Variants in RPTOR observed in about 807,000 individuals in gnomAD.
RPTOR encodes regulatory associated protein of MTOR complex 1.
A neutral mutation model predicts 169.9 loss-of-function variants in RPTOR; 21 were observed. The observed-to-expected ratio is 0.12, with a 90% CI of 0.09 to 0.18. The LOEUF is 0.18. RPTOR is among the 10% of genes least tolerant of loss of function. RPTOR has a pLI of 1.00. For missense variants in RPTOR, 1,133 were observed against 1,855.9 expected (o/e 0.61, Z 7.16); for synonymous variants, 732 against 753.2 (o/e 0.97, Z 0.46).
intron 4 of RPTOR, among the ~76,000 whole-genome samples, chr17:80,714,367 T>G (rs975175467): frequency 2.0e-5 from 3 of 152,200 alleles, no homozygotes; most frequent in Non-Finnish European, 4.4e-5. Flanking sequence ...TAATTAACAT[T>G]TATACAGCCG....
chr17:80,759,365 A>T (rs921905633), intron 6 of RPTOR, among the ~76,000 whole-genome samples: 8 of 152,176 alleles, frequency 5.3e-5, no homozygotes, highest in African/African-American at 1.9e-4. Flanking sequence ...TCAGATTTTT[A>T]AAAGTAAGCA....
chr17:80,886,811 G>A (rs962187573), intron 17 of RPTOR, among the ~76,000 whole-genome samples: 2 of 152,154 alleles, frequency 1.3e-5, no homozygotes, highest in African/African-American at 2.4e-5. Flanking sequence ...CAACCGGGAC[G>A]CAGCTGTCTC....
chr17:80,804,141 G>T (rs7225574), intron 7 of RPTOR: 48,984 of 152,240 alleles, frequency 0.32, 8,463 homozygotes, highest in African/African-American at 0.45. Context: ...GCTACCTACA[G>T]AGGACATTTT....
rs1455293667 is a variant in RPTOR, at chr17:80,659,889, C to A, written c.348+16079C>A. Among the ~76,000 whole-genome samples, 1 of 152,178 alleles carries A rather than the reference C, an allele frequency of 6.6e-6. No homozygotes were observed. Among genetic ancestry groups the A allele is most frequent in the Non-Finnish European group, 1.5e-5 (1 of 68,022 alleles). On this transcript the variant is annotated intron_variant, in intron 3 of 33. Transcript: ENST00000306801. This position sits in a 1 kb window ranked among gnomAD's most constrained non-coding sequence, Gnocchi z 4.3. Reference sequence around the variant, plus strand: ...TCTCAAACTCCAGGGCTTAAGCAATCCTCCTGCCTTGGCCTCCCAAAGTGC... The same window carrying A: ...TCTCAAACTCCAGGGCTTAAGCAATACTCCTGCCTTGGCCTCCCAAAGTGC...
rs1197798933 is a variant in RPTOR, at chr17:80,721,507, C to G, written c.508-9053C>G. Among the ~76,000 whole-genome samples the G allele has an allele frequency of 1.3e-5, 2 of 151,452 alleles. No individual in the cohort carries two copies. Among genetic ancestry groups the G allele is most frequent in the Non-Finnish European group, 2.9e-5 (2 of 68,050 alleles). Reference sequence around the variant, plus strand: ...TGGCCCTGGAAAGAGGCACACCCAGCAGCGGGCTCTCCTGGCTCACCCGGG... The same window carrying G: ...TGGCCCTGGAAAGAGGCACACCCAGGAGCGGGCTCTCCTGGCTCACCCGGG... On this transcript the variant is annotated intron_variant, in intron 4 of 33. Transcript: ENST00000306801. The surrounding 1 kb of genome is among the most constrained non-coding windows in gnomAD (Gnocchi z 4.7).
rs367784326 is a variant in RPTOR at position 80,577,734 on chromosome 17, T to C, written c.162+31943T>C. Among the ~76,000 whole-genome samples the C allele has an allele frequency of 1.2e-4, 18 of 152,354 alleles. No homozygotes were observed. The South Asian group carries it at 3.7e-3, about 32-fold the overall frequency. ...GGAAGCTGCAGTCCAGCTCTGGAGC[T>C]GGGCTTCATGCCCATCTCCAGTGCC... On this transcript the variant is annotated intron_variant, in intron 1 of 33. Transcript: ENST00000306801.
At chr17:80,899,647 C>T (rs1793585188) in intron 20 of RPTOR, among the ~76,000 whole-genome samples, 1 of 152,240 alleles carries the variant, frequency 6.6e-6, no homozygotes, top group African/African-American at 2.4e-5. Flanking sequence ...GTGGGACTGC[C>T]CCTTGGCACT....
chr17:80,906,409 G>A (rs994740168), intron 20 of RPTOR, among the ~76,000 whole-genome samples: 43 of 152,128 alleles, frequency 2.8e-4, no homozygotes, highest in Admixed American at 5.9e-4. Context: ...GGAAGGCTTC[G>A]GTTCTGTCCC....
intron 5 of RPTOR, among the ~76,000 whole-genome samples, chr17:80,732,163 C>CA (rs199652200): frequency 5.7e-4 from 85 of 149,376 alleles, no homozygotes; most frequent in African/African-American, 1.8e-3. Context: ...ATAAATATCG[C>CA]AAAAAAAAGG....
chr17:80,688,064 G>A (rs758459576), intron 3 of RPTOR, among the ~76,000 whole-genome samples: 54 of 152,132 alleles, frequency 3.5e-4, no homozygotes, highest in Non-Finnish European at 7.2e-4. Context: ...ATGTAGTGGC[G>A]GTTGAGTACC....
At chr17:80,951,366 C>T (rs899896691) in intron 28 of RPTOR, among the ~76,000 whole-genome samples, 1 of 152,250 alleles carries the variant, frequency 6.6e-6, no homozygotes, top group Non-Finnish European at 1.5e-5. Context: ...AGAAAAGCGG[C>T]CTTCTCGGCC....
At chr17:80,665,559 T>C (rs991586595) in intron 3 of RPTOR, among the ~76,000 whole-genome samples, 20 of 148,916 alleles carry the variant, frequency 1.3e-4, no homozygotes, top group African/African-American at 4.7e-4. Flanking sequence ...TCCCCTTTCC[T>C]TTCCTGACAG....
At chr17:80,945,250 A>G (rs557332460) in intron 25 of RPTOR, among the ~76,000 whole-genome samples, 365 of 152,248 alleles carry the variant, frequency 2.4e-3, no homozygotes, top group African/African-American at 8.5e-3. Flanking sequence ...CCATGATCAC[A>G]CCACTCTGCA....
chr17:80,772,712 G>A (rs2066856774), intron 6 of RPTOR, among the ~76,000 whole-genome samples: 2 of 151,878 alleles, frequency 1.3e-5, no homozygotes, highest in African/African-American at 4.8e-5. Flanking sequence ...TCATTATTGA[G>A]TTTGTAAGCA....
At chr17:80,918,445 A>AGTCATAGCCACGAGCACCCTCGCGGGG (rs71166110) in intron 21 of RPTOR, among the ~76,000 whole-genome samples, 14,938 of 83,238 alleles carry the variant, frequency 0.18, 4,480 homozygotes, top group East Asian at 0.29. Context: ...CCCTCGCCGG[A>AGTCATAGCCACGAGCACCCTCGCGGGG]GTCATAGCCA....
At chr17:80,634,602 ACTGTGTGTGTACT>A (rs1482798942) in intron 2 of RPTOR, among the ~76,000 whole-genome samples, 3 of 2,686 alleles carry the variant, frequency 1.1e-3, no homozygotes, top group Admixed American at 3.9e-3. Flanking sequence ...GTGTGTGCGT[ACTGTGTGTGTACT>A]GTGTGCGTGT....
chr17:80,759,099 A>G (rs1299781705), intron 6 of RPTOR, among the ~76,000 whole-genome samples: 1 of 151,982 alleles, frequency 6.6e-6, no homozygotes, highest in Non-Finnish European at 1.5e-5. Context: ...TGCGTCCTGT[A>G]GTCCCAGCTG....
chr17:80,857,965 C>T (rs1178860021), intron 13 of RPTOR, 65 bp downstream of exon 13: 2 of 1,249,670 alleles, frequency 1.6e-6, no homozygotes, highest in Non-Finnish European at 2.3e-6. Context: ...GGATGCCGAG[C>T]CCTGCGTTTC....
intron 11 of RPTOR, among the ~76,000 whole-genome samples, chr17:80,849,029 G>A (rs1215335155): frequency 1.3e-5 from 2 of 152,162 alleles, no homozygotes; most frequent in Non-Finnish European, 2.9e-5. Context: ...CGGGATCAAT[G>A]GGCGGACCTC....
Sources: allele counts gnomAD v4.1 joint callset (sites outside exome capture counted in the v4.1 genomes callset), GRCh38; gene constraint gnomAD v4.1.1; non-coding constraint Gnocchi (gnomAD v3.1); transcripts MANE v1.5; gene names NCBI Gene and HGNC (gene_info 2026-07-23, HGNC 2026-07-21).